Variants in ADAMTS16 observed in about 807,000 individuals in gnomAD.
The protein encoded by ADAMTS16 is A disintegrin and metalloproteinase with thrombospondin motifs 16.
A neutral mutation model predicts 145.8 loss-of-function variants in ADAMTS16; 94 were observed. That is an observed-to-expected ratio of 0.64 (90% CI 0.55 to 0.77). ADAMTS16 has a LOEUF of 0.77. ADAMTS16 is among the 30% of genes least tolerant of loss of function. ADAMTS16 has a pLI of 0.00. For missense variants in ADAMTS16, 1,585 were observed against 1,591.5 expected (o/e 1.00, Z 0.07); for synonymous variants, 659 against 604.3 (o/e 1.09, Z -1.33).
At chr5:5,141,241 C>G (rs1579265918) in intron 2 of ADAMTS16, among the ~76,000 whole-genome samples, 1 of 152,294 alleles carries the variant, frequency 6.6e-6, no homozygotes, top group East Asian at 1.9e-4. Context: ...AAGCGCTTAG[C>G]ATCTCAATAC....
chr5:5,225,624 G>A lies in ADAMTS16; in HGVS notation c.1701+2740G>A, dbSNP rs140255462. On this transcript the variant is annotated intron_variant, in intron 11 of 22. Coordinates refer to ENST00000274181, the MANE Select transcript of ADAMTS16 (RefSeq NM_139056.4). ...TTCAAAAAAAAAAAAGGAAAGAGGA[G>A]CAAAGGAAGCAGGAAAGAAGAAAGA... Among the ~76,000 whole-genome samples, 202 of 151,074 alleles carry A rather than the reference G, an allele frequency of 1.3e-3. 1 individual carries two copies. Among genetic ancestry groups the A allele is most frequent in the African/African-American group, 4.5e-3 (187 of 41,224 alleles).
In ADAMTS16 at chr5:5,266,922, T is replaced by C. The variant is rs528662559; in HGVS notation, c.2789+4139T>C. On this transcript the variant is annotated intron_variant, in intron 18 of 22. Transcript: ENST00000274181. ...AGTAATGGAAATCTAAGCAGTCTTA[T>C]GTTGTCAGGCAAAATTGCCCTTACC... Among the ~76,000 whole-genome samples, 4 of 152,354 alleles carry C rather than the reference T, an allele frequency of 2.6e-5. No individual in the cohort carries two copies. The East Asian group carries it at 5.8e-4, about 22-fold the overall frequency.
At position 5,262,737 on chromosome 5, in the gene ADAMTS16, C is replaced by G; in HGVS notation, c.2743C>G (p.Pro915Ala). ...NMSFCNPKTR[P>A]VTGLVPCKVS... ...GTCCTTCTGCAATCCCAAGACACGA[C>G]CTGTCACGGGGCTGGTGCCTTGCAA... The change falls in exon 18 of 23, where the codon CCT becomes GCT. Residue 915 changes from proline to alanine, a missense_variant. By Grantham distance (27) the Pro-to-Ala change is conservative. This residue lies in a region of ADAMTS16 where 834 missense variants were observed against 811.7 expected (regional missense o/e 1.03). Coordinates refer to ENST00000274181, the MANE Select transcript of ADAMTS16 (RefSeq NM_139056.4). 6.2e-7 allele frequency: 1 copy of G among 1,614,240 alleles called. No homozygotes were observed. The highest frequency in any genetic ancestry group is 8.5e-7 in the Non-Finnish European group (1 of 1,180,052).
chr5:5,140,441 G>A lies in ADAMTS16; in HGVS notation c.-27G>A, dbSNP rs549632003. On this transcript the variant is annotated 5_prime_UTR_variant, in exon 1 of 23. Transcript: ENST00000274181. ...GCTGCCGGCCGGGGACCCTCCGGTG[G>A]CCCCTAGCCCCTCGGAGCGCTCCTG... is the stretch of plus-strand genomic sequence containing the variant. 8.3e-5 allele frequency: 124 copies of A among 1,492,628 alleles called. 1 individual carries two copies. In the East Asian group the frequency reaches 3.3e-3, roughly 40 times the overall value. The allele number at this position is 1,492,628 out of a possible 1,614,324, so 92.5% of individuals were successfully genotyped here. A position where few individuals can be genotyped will look rare whatever the true frequency, so the allele number is the denominator to read the frequency against.
At chr5:5,261,486 C>A (rs747771778) in intron 17 of ADAMTS16, among the ~76,000 whole-genome samples, 3 of 119,778 alleles carry the variant, frequency 2.5e-5, no homozygotes, top group Admixed American at 1.1e-4. Context: ...TTAGTTATAG[C>A]CTCTTTTTTT....
intron 3 of ADAMTS16, among the ~76,000 whole-genome samples, chr5:5,180,081 A>G (rs1245441097): frequency 6.6e-6 from 1 of 152,162 alleles, no homozygotes; most frequent in Non-Finnish European, 1.5e-5. Context: ...GCAGGGCTTC[A>G]CTACGTGGAC....
intron 20 of ADAMTS16, 87 bp downstream of exon 20, chr5:5,303,853 C>A: frequency 7.0e-7 from 1 of 1,419,864 alleles, no homozygotes. Flanking sequence ...CTTCTCACTT[C>A]TCTCTCTTCT....
chr5:5,155,301 T>C (rs1212294666), intron 3 of ADAMTS16, among the ~76,000 whole-genome samples: 1 of 152,174 alleles, frequency 6.6e-6, no homozygotes, highest in Admixed American at 6.5e-5. Context: ...GCCCAGTCCC[T>C]GTTTCATTCC....
rs1734181230 is a variant in ADAMTS16 at position 5,319,191 on chromosome 5, C to T, written c.*53C>T. 7.4e-7 allele frequency: 1 copy of T among 1,343,560 alleles called. No homozygotes were observed. The highest frequency in any genetic ancestry group is 1.4e-5 in the African/African-American group (1 of 69,604). 83.2% of individuals were successfully genotyped at this position (1,343,560 alleles called of 1,614,324 possible). Reference sequence around the variant, plus strand: ...AGTGCCTGCGTGGCACAGAAATTTCCCACAAATGAGCTGTGCAATCTACGT... The same window carrying T: ...AGTGCCTGCGTGGCACAGAAATTTCTCACAAATGAGCTGTGCAATCTACGT... On this transcript the variant is annotated 3_prime_UTR_variant, in exon 23 of 23. Transcript: ENST00000274181.
chr5:5,200,938 A>G (rs1735936656), intron 9 of ADAMTS16, among the ~76,000 whole-genome samples: 1 of 152,206 alleles, frequency 6.6e-6, no homozygotes, highest in African/African-American at 2.4e-5. Context: ...GAAATGAGGA[A>G]CTTTATGAAA....
At chr5:5,225,582 A>G (rs1736736602) in intron 11 of ADAMTS16, among the ~76,000 whole-genome samples, 1 of 150,406 alleles carries the variant, frequency 6.6e-6, no homozygotes, top group Non-Finnish European at 1.5e-5. Context: ...AGCCTGGGCA[A>G]CAGAAGGAGA....
intron 3 of ADAMTS16, chr5:5,176,068 G>A (rs979649314): frequency 6.6e-6 from 1 of 150,716 alleles, no homozygotes; most frequent in Non-Finnish European, 1.5e-5. Flanking sequence ...TGAGGAGGAG[G>A]TTTGGTAGAA....
At chr5:5,224,027 T>C (rs914962041) in intron 11 of ADAMTS16, among the ~76,000 whole-genome samples, 10 of 152,258 alleles carry the variant, frequency 6.6e-5, no homozygotes, top group African/African-American at 2.2e-4. Context: ...GGTTTTAAAA[T>C]GTTAACAACA....
rs182090074 is a variant in ADAMTS16, at chr5:5,272,593, C to T, written c.2789+9810C>T. 8.2e-4 allele frequency among the ~76,000 whole-genome samples: 124 copies of T among 152,144 alleles called. 1 individual carries two copies. The highest frequency in any genetic ancestry group is 3.4e-3 in the Middle Eastern group (1 of 294). The stretch of plus-strand genomic sequence containing the variant: ...TGTTAGCCAGGATGGTCTCGATCTC[C>T]TGACCTGGTGATCCGCCTGCCTCGG... On this transcript the variant is annotated intron_variant, in intron 18 of 22. Coordinates refer to ENST00000274181, the MANE Select transcript of ADAMTS16 (RefSeq NM_139056.4).
intron 2 of ADAMTS16, among the ~76,000 whole-genome samples, chr5:5,144,203 T>C (rs1734237813): frequency 6.6e-6 from 1 of 152,218 alleles, no homozygotes; most frequent in South Asian, 2.1e-4. Flanking sequence ...ATTGTGCTAG[T>C]TTCTCTTCCT....
At chr5:5,277,105 G>C (rs111322458) in intron 18 of ADAMTS16, among the ~76,000 whole-genome samples, 52 of 152,314 alleles carry the variant, frequency 3.4e-4, no homozygotes, top group Middle Eastern at 6.8e-3. Flanking sequence ...TTTAGAATTT[G>C]TGATTTTCAA....
intron 17 of ADAMTS16, among the ~76,000 whole-genome samples, chr5:5,250,316 G>C (rs1560968700): frequency 6.6e-6 from 1 of 152,126 alleles, no homozygotes; most frequent in Non-Finnish European, 1.5e-5. Flanking sequence ...TAGGGGAACT[G>C]TTCTGATAGG....
rs116559351 is a variant in ADAMTS16 at position 5,246,808 on chromosome 5, G to A, written c.2662+4617G>A. 5.0e-3 allele frequency among the ~76,000 whole-genome samples: 760 copies of A among 152,260 alleles called. 3 individuals carry two copies. The highest frequency in any genetic ancestry group is 0.017 in the African/African-American group (711 of 41,554). ...ATGTGCGAGCCGCTATGCTGAGTTC[G>A]GAGTGTATAAGGACAGATGGTATAT... On this transcript the variant is annotated intron_variant, in intron 17 of 22. Transcript: ENST00000274181.
intron 9 of ADAMTS16, among the ~76,000 whole-genome samples, chr5:5,205,765 T>C (rs1382292628): frequency 6.6e-6 from 1 of 152,226 alleles, no homozygotes; most frequent in Admixed American, 6.5e-5. Context: ...CAGATTTTTG[T>C]CCACTTTTTG....
Sources: gnomAD v4.1 joint callset for allele counts (sites outside exome capture counted in the v4.1 genomes callset) on GRCh38, gnomAD v4.1.1 for gene constraint, gnomAD v4.1.1 regional missense constraint, MANE v1.5 for transcripts, NCBI Gene and HGNC (gene_info 2026-07-23, HGNC 2026-07-21) for gene names.